Variants in LRRC61 observed in about 807,000 individuals in gnomAD.
LRRC61 encodes leucine rich repeat containing 61.
A neutral mutation model predicts 15.1 loss-of-function variants in LRRC61; 9 were observed. The ratio of observed to expected loss-of-function variants is 0.60; its 90% CI spans 0.36 to 1.04. The LOEUF (loss-of-function observed/expected upper bound fraction) is 1.04, where lower values mean the gene tolerates loss of function less well. LRRC61 is among the 50% of genes least tolerant of loss of function. The pLI is 0.01. For missense variants in LRRC61, 344 were observed against 335.6 expected (o/e 1.03, Z -0.20); for synonymous variants, 173 against 158.6 (o/e 1.09, Z -0.68).
chr7:150,314,138 G>C, the LRRC61 span, among the ~76,000 whole-genome samples: 1 of 152,134 alleles, frequency 6.6e-6, no homozygotes, highest in South Asian at 2.1e-4. Flanking sequence ...GTGGCACTGG[G>C]GCTGTATACG....
At chr7:150,324,346 CTTCTCTTG>C (rs1797860187) in intron 1 of LRRC61, 2 of 152,438 alleles carry the variant, frequency 1.3e-5, no homozygotes, top group Non-Finnish European at 2.9e-5. Context: ...TGGGGTTCTA[CTTCTCTTG>C]CAGGCACAAG....
chr7:150,324,897 C>G (rs571475991), intron 1 of LRRC61, among the ~76,000 whole-genome samples: 10 of 152,274 alleles, frequency 6.6e-5, no homozygotes, highest in African/African-American at 2.4e-4. Flanking sequence ...CCCCGCTGAC[C>G]ACTGCTTTTG....
At chr7:150,318,139 G>A in the LRRC61 span, among the ~76,000 whole-genome samples, 13 of 152,326 alleles carry the variant, frequency 8.5e-5, no homozygotes, top group African/African-American at 2.6e-4. Context: ...CTAAAGCTAT[G>A]ACGGTGAAAA....
the LRRC61 span, among the ~76,000 whole-genome samples, chr7:150,311,072 G>T: frequency 2.2e-3 from 341 of 152,122 alleles, no homozygotes; most frequent in Non-Finnish European, 3.8e-3. Context: ...TGCAACTCTG[G>T]GTACCAAACT....
chr7:150,321,566 C>G (rs1306035782), upstream of LRRC61, among the ~76,000 whole-genome samples: 1 of 152,074 alleles, frequency 6.6e-6, no homozygotes, highest in African/African-American at 2.4e-5. Flanking sequence ...ATGGCGAAAC[C>G]CCGTCTCTAC....
chr7:150,329,018 C>T (rs1168413971), intron 2 of LRRC61, among the ~76,000 whole-genome samples: 2 of 152,162 alleles, frequency 1.3e-5, no homozygotes. Flanking sequence ...TTCCACTAGC[C>T]AGAGATCAAG....
At chr7:150,331,048 AC>A in intron 2 of LRRC61, 2 of 1,612,358 alleles carry the variant, frequency 1.2e-6, no homozygotes, top group Non-Finnish European at 1.7e-6. Flanking sequence ...CCCCTGGCTT[AC>A]TGGGAGAAGA....
rs768874193 is a variant in LRRC61, at chr7:150,335,286, C to G, written c.-144-1432C>G. On this transcript the variant is annotated intron_variant, in intron 2 of 2. Coordinates refer to ENST00000359623, the MANE Select transcript of LRRC61 (RefSeq NM_001142928.2). This position sits in a 1 kb window ranked among gnomAD's most constrained non-coding sequence, Gnocchi z 4.3. The stretch of plus-strand genomic sequence containing the variant: ...CCCTGTTTACAAACCCCAAAAGATT[C>G]CATTCCCACTGAGGGAATCCACACT... Among the ~76,000 whole-genome samples, 8 of 152,190 alleles carry G rather than the reference C, an allele frequency of 5.3e-5. No individual in the cohort carries two copies. The highest frequency in any genetic ancestry group is 2.1e-4 in the South Asian group (1 of 4,828).
chr7:150,325,584 A>G (rs1304992645), intron 1 of LRRC61, among the ~76,000 whole-genome samples: 1 of 152,202 alleles, frequency 6.6e-6, no homozygotes, highest in African/African-American at 2.4e-5. Flanking sequence ...TTCCTGCCTC[A>G]GACTGCCAAG....
rs573094723 is a variant in LRRC61, at chr7:150,330,479, C to A, written c.-145+4469C>A. Reference sequence around the variant, plus strand: ...TGCCCCAGCTGCGCTACCTGCACATCTTCCTGGAGCAGGTTCACACACACT... The same window carrying A: ...TGCCCCAGCTGCGCTACCTGCACATATTCCTGGAGCAGGTTCACACACACT... On this transcript the variant is annotated intron_variant, in intron 2 of 2. Coordinates refer to ENST00000359623, the MANE Select transcript of LRRC61 (RefSeq NM_001142928.2). This position sits in a 1 kb window ranked among gnomAD's most constrained non-coding sequence, Gnocchi z 4.6. 1.3e-6 allele frequency: 1 copy of A among 780,148 alleles called. No individual in the cohort carries two copies. Among genetic ancestry groups the A allele is most frequent in the African/African-American group, 1.7e-5 (1 of 59,298 alleles). The allele number at this position is 780,148 out of a possible 1,614,324, so 48.3% of individuals were successfully genotyped here.
upstream of LRRC61, among the ~76,000 whole-genome samples, chr7:150,320,041 CCTT>C (rs982857648): frequency 1.3e-5 from 2 of 152,218 alleles, no homozygotes; most frequent in Admixed American, 1.3e-4. Flanking sequence ...GTAAGAAACT[CCTT>C]GTTTTAGAGT....
chr7:150,337,521 C>T lies in LRRC61; in HGVS notation c.660C>T (p.Cys220=), dbSNP rs1165673559. Residue 220 remains cysteine, a synonymous_variant, in exon 3 of 3, where the codon TGC becomes TGT. Transcript: ENST00000359623. ...GCAGCTCCATCCTGGAGGAGGCCTG[C>T]CGGCAGTTCCAGGACACACTGCAGG... ...SRSSSILEEA[C]RQFQDTLQEC... is the part of the protein sequence containing the mutation. 3 of 1,603,352 alleles carry T rather than the reference C, an allele frequency of 1.9e-6. No individual in the cohort carries two copies. Among genetic ancestry groups the T allele is most frequent in the Admixed American group, 3.3e-5 (2 of 59,864 alleles).
chr7:150,316,326 A>G, the LRRC61 span, among the ~76,000 whole-genome samples: 5 of 152,202 alleles, frequency 3.3e-5, no homozygotes, highest in Admixed American at 6.5e-5. Flanking sequence ...CTGTCAATAC[A>G]TTGCACACAT....
intron 2 of LRRC61, among the ~76,000 whole-genome samples, chr7:150,326,684 A>G (rs976728019): frequency 1.8e-5 from 1 of 56,810 alleles, no homozygotes; most frequent in Non-Finnish European, 3.3e-5. Context: ...CCCAGTCTGA[A>G]AAAAAAAAAA....
chr7:150,314,650 A>T, the LRRC61 span, among the ~76,000 whole-genome samples: 1 of 152,024 alleles, frequency 6.6e-6, no homozygotes, highest in Non-Finnish European at 1.5e-5. Context: ...TTATTTAAAA[A>T]TAATGTTTAA....
chr7:150,326,176 CCTG>C (rs778622950), intron 2 of LRRC61, among the ~76,000 whole-genome samples, 166 bp downstream of exon 2: 3 of 152,190 alleles, frequency 2.0e-5, no homozygotes, highest in East Asian at 1.9e-4. Context: ...GTCGTCTCAT[CCTG>C]AGCCCCAAGT....
Position 150,337,406 on chromosome 7 carries a change from C to T in LRRC61, c.545C>T (p.Ser182Phe), listed in dbSNP as rs1338724301. 6.2e-7 allele frequency: 1 copy of T among 1,605,686 alleles called. No homozygotes were observed. The highest frequency in any genetic ancestry group is 8.5e-7 in the Non-Finnish European group (1 of 1,179,928). Residue 182 changes from serine (S) to phenylalanine (F), a missense_variant, in exon 3 of 3, where the codon TCC (serine) becomes TTC (phenylalanine). Transcript: ENST00000359623. Reference protein sequence around the residue: ...FYQLCRDLDSSLRPSSSPGPR... With the variant: ...FYQLCRDLDSFLRPSSSPGPR... Reference sequence around the variant, plus strand: ...CAGCTGTGCCGAGACCTGGACAGCTCCTTGCGTCCCAGCTCCAGTCCAGGC... The same window carrying T: ...CAGCTGTGCCGAGACCTGGACAGCTTCTTGCGTCCCAGCTCCAGTCCAGGC...
In LRRC61 at chr7:150,330,956, G is replaced by T. The variant is rs759228971; in HGVS notation, c.-145+4946G>T. The T allele has an allele frequency of 8.7e-6, 14 of 1,611,786 alleles. No individual in the cohort carries two copies. Among genetic ancestry groups the T allele is most frequent in the Non-Finnish European group, 1.1e-5 (13 of 1,179,902 alleles). ...TGGCCTCTGAGAGAAGCGGGGGCTC[G>T]CTGTCCACCAAGAGCCACTGGGCCA... On this transcript the variant is annotated intron_variant, in intron 2 of 2. Coordinates refer to ENST00000359623, the MANE Select transcript of LRRC61 (RefSeq NM_001142928.2). The surrounding 1 kb of genome is among the most constrained non-coding windows in gnomAD (Gnocchi z 4.6).
At position 150,325,858 on chromosome 7, in the gene LRRC61, G is replaced by C. The variant is rs893957159; in HGVS notation, c.-297G>C. On this transcript the variant is annotated 5_prime_UTR_variant, in exon 2 of 3. Transcript: ENST00000359623. ...CGTTTTAGATTCATTTGGATTCAAGGTTGGCTCTCAACAGTGCCAGCTGCA... is the reference window on the plus strand; with the variant it reads ...CGTTTTAGATTCATTTGGATTCAAGCTTGGCTCTCAACAGTGCCAGCTGCA... The C allele has an allele frequency of 6.6e-6, 1 of 152,628 alleles. No individual in the cohort carries two copies. The highest frequency in any genetic ancestry group is 1.9e-4 in the East Asian group (1 of 5,198). 9.5% of individuals were successfully genotyped at this position (152,628 alleles called of 1,614,324 possible). A position where few individuals can be genotyped will look rare whatever the true frequency, so the allele number is the denominator to read the frequency against.
Sources: gnomAD v4.1 joint callset for allele counts (sites outside exome capture counted in the v4.1 genomes callset) on GRCh38, gnomAD v4.1.1 for gene constraint, Gnocchi (gnomAD v3.1) non-coding constraint, MANE v1.5 for transcripts, NCBI Gene and HGNC (gene_info 2026-07-23, HGNC 2026-07-21) for gene names.